Variants in RLF observed in about 807,000 individuals in gnomAD.
RLF encodes the protein RLF zinc finger, also known as zinc finger protein Rlf.
In RLF, 7 loss-of-function variants were observed where a neutral mutation model predicts 162.9. That is an observed-to-expected ratio of 0.04 (90% confidence interval 0.02 to 0.08). The LOEUF (loss-of-function observed/expected upper bound fraction) is 0.08. Among genes scored for constraint, RLF ranks in the 10% least tolerant of loss-of-function variants. The pLI is 1.00. For missense variants in RLF, 1,664 were observed against 2,244.7 expected (o/e 0.74, Z 5.23); for synonymous variants, 782 against 791.5 (o/e 0.99, Z 0.20).
chr1:40,172,761 A>G (rs61780419), intron 1 of RLF, among the ~76,000 whole-genome samples: 7,924 of 152,234 alleles, frequency 0.052, 602 homozygotes, highest in African/African-American at 0.17. Flanking sequence ...GTGAGATGCC[A>G]ACTCAAAAAC....
intron 6 of RLF, among the ~76,000 whole-genome samples, chr1:40,230,130 A>T (rs906992874): frequency 6.6e-6 from 1 of 151,724 alleles, no homozygotes; most frequent in African/African-American, 2.4e-5. Context: ...AAAAAAAAAG[A>T]AGAAAAGAAA....
chr1:40,194,804 CTAGTTATT>C (rs931373494), intron 3 of RLF, among the ~76,000 whole-genome samples: 2 of 128,668 alleles, frequency 1.6e-5, no homozygotes, highest in Non-Finnish European at 3.3e-5. Flanking sequence ...TGAAAACATC[CTAGTTATT>C]TATTTATTTA....
chr1:40,192,715 G>A (rs1387566888), intron 3 of RLF, among the ~76,000 whole-genome samples: 3 of 152,070 alleles, frequency 2.0e-5, no homozygotes, highest in African/African-American at 7.2e-5. Context: ...GATCCCTGTT[G>A]AAATCCAAAA....
chr1:40,229,962 A>G (rs868386923), intron 6 of RLF, among the ~76,000 whole-genome samples: 1 of 151,860 alleles, frequency 6.6e-6, no homozygotes, highest in Admixed American at 6.6e-5. Context: ...TAAAAATACA[A>G]AATTATCCAG....
rs1643272537 is a variant in RLF, at chr1:40,240,045, A to G, written c.5343A>G (p.Glu1781=). The G allele has an allele frequency of 5.0e-6, 8 of 1,614,050 alleles. No homozygotes were observed. The South Asian group carries it at 5.5e-5, about 11-fold the overall frequency. The part of the protein sequence containing the change: ...SSFLKFIQES[E]EKEDDFDDWE... ...TTCTGAAATTTATTCAGGAAAGTGA[A>G]GAGAAAGAAGATGATTTTGATGATT... Residue 1781 remains glutamate (E), a synonymous_variant, in exon 8 of 8, where the codon GAA becomes GAG. Coordinates refer to ENST00000372771, the MANE Select transcript of RLF (RefSeq NM_012421.4).
chr1:40,214,732 G>T (rs1227503728), intron 5 of RLF, among the ~76,000 whole-genome samples: 1 of 151,572 alleles, frequency 6.6e-6, no homozygotes, highest in Non-Finnish European at 1.5e-5. Flanking sequence ...ATCTACATGT[G>T]CAACATGTAG....
chr1:40,189,806 CA>C (rs905028671), intron 2 of RLF, among the ~76,000 whole-genome samples: 7 of 145,078 alleles, frequency 4.8e-5, no homozygotes, highest in Admixed American at 1.4e-4. Context: ...GTCTCAACAA[CA>C]AAAAAAAAAG....
chr1:40,205,009 T>C (rs1248689398), intron 5 of RLF, among the ~76,000 whole-genome samples: 1 of 152,198 alleles, frequency 6.6e-6, no homozygotes, highest in African/African-American at 2.4e-5. Context: ...AAGGCCAGCC[T>C]CCCTCACTTC....
At chr1:40,200,731 G>A (rs535752524) in intron 4 of RLF, among the ~76,000 whole-genome samples, 16 of 150,678 alleles carry the variant, frequency 1.1e-4, no homozygotes, top group Non-Finnish European at 2.1e-4. Context: ...AGCTTTTTCT[G>A]TCCTTTTGAA....
chr1:40,223,285 A>G (rs1277420366), intron 6 of RLF, among the ~76,000 whole-genome samples: 1 of 152,166 alleles, frequency 6.6e-6, no homozygotes, highest in African/African-American at 2.4e-5. Flanking sequence ...AACTGTATTG[A>G]ATCTATTTAG....
intron 6 of RLF, among the ~76,000 whole-genome samples, chr1:40,228,271 A>T (rs1459172512): frequency 1.4e-5 from 2 of 146,430 alleles, no homozygotes; most frequent in African/African-American, 5.1e-5. Context: ...GGGCAACAGA[A>T]CAAGACTCCA....
chr1:40,169,715 G>A (rs1642216535), intron 1 of RLF, among the ~76,000 whole-genome samples: 1 of 138,264 alleles, frequency 7.2e-6, no homozygotes, highest in Admixed American at 7.2e-5. Context: ...TTTTTGAGAT[G>A]AAGTTTCGCT....
At chr1:40,203,457 C>T (rs533468252) in intron 5 of RLF, among the ~76,000 whole-genome samples, 3 of 151,740 alleles carry the variant, frequency 2.0e-5, no homozygotes, top group East Asian at 3.9e-4. Flanking sequence ...GCAGGAAAAT[C>T]GCTTGAACCC....
At chr1:40,182,760 GA>G (rs1557741331) in intron 1 of RLF, among the ~76,000 whole-genome samples, 36 of 148,256 alleles carry the variant, frequency 2.4e-4, no homozygotes, top group Non-Finnish European at 4.8e-4. Context: ...TAGGTAGATA[GA>G]TAGATAGATA....
chr1:40,216,850 G>A (rs1354992886), intron 5 of RLF, among the ~76,000 whole-genome samples: 5 of 152,062 alleles, frequency 3.3e-5, no homozygotes, highest in East Asian at 1.9e-4. Flanking sequence ...TCAGGAGTTC[G>A]AGTCCAGCCT....
At position 40,239,703 on chromosome 1, in the gene RLF, C is replaced by A. The variant is rs552190750; in HGVS notation, c.5001C>A (p.Leu1667=). 6.2e-7 allele frequency: 1 copy of A among 1,614,148 alleles called. No individual in the cohort carries two copies. The highest frequency in any genetic ancestry group is 8.5e-7 in the Non-Finnish European group (1 of 1,180,026). Residue 1667 remains leucine (L), a synonymous_variant, in exon 8 of 8, where the codon CTC becomes CTA. Transcript: ENST00000372771. The part of the protein sequence containing the change: ...SSSVFDADTL[L]YRGTLKCNHS... ...CAGTATTTGATGCAGATACTCTGCT[C>A]TACAGGGGAACTTTGAAATGTAATC...
chr1:40,232,489 A>G (rs540140789), intron 7 of RLF, among the ~76,000 whole-genome samples: 17 of 152,290 alleles, frequency 1.1e-4, no homozygotes, highest in East Asian at 1.9e-4. Context: ...GCTAAGTTCT[A>G]TCAGAGGCTC....
chr1:40,208,914 C>G (rs1192757066), intron 5 of RLF, among the ~76,000 whole-genome samples: 1 of 152,056 alleles, frequency 6.6e-6, no homozygotes. Context: ...AGTGGTGTGC[C>G]CAGGGTTTAA....
In RLF at chr1:40,239,950, T is replaced by A. The variant is rs747621147; in HGVS notation, c.5248T>A (p.Phe1750Ile). Residue 1750 changes from phenylalanine (F) to isoleucine (I), a missense_variant, in exon 8 of 8, where the codon TTT (phenylalanine) becomes ATT (isoleucine). By Grantham distance (21) the Phe-to-Ile change is conservative. Transcript: ENST00000372771. ...TCCAACCCATGTCCCAAAAGAGAATTTTAGGAAACATTCACAGCCCCGGTC... is the reference window on the plus strand; with the variant it reads ...TCCAACCCATGTCCCAAAAGAGAATATTAGGAAACATTCACAGCCCCGGTC... Reference protein sequence around the residue: ...KNPTHVPKENFRKHSQPRSFD... With the variant: ...KNPTHVPKENIRKHSQPRSFD... The A allele has an allele frequency of 1.8e-5, 29 of 1,613,598 alleles. No individual in the cohort carries two copies. The highest frequency in any genetic ancestry group is 2.5e-5 in the Non-Finnish European group (29 of 1,180,010).
Sources: gnomAD v4.1 joint callset for allele counts (sites outside exome capture counted in the v4.1 genomes callset) on GRCh38, gnomAD v4.1.1 for gene constraint, MANE v1.5 for transcripts, NCBI Gene and HGNC (gene_info 2026-07-23, HGNC 2026-07-21) for gene names.